P2RX7: variants seen among roughly 807,000 people sequenced by gnomAD.
P2RX7 encodes P2X purinoceptor 7.
P2RX7 carries 62 observed loss-of-function variants against 71.6 expected under a neutral mutation model. The ratio of observed to expected loss-of-function variants is 0.87; its 90% CI spans 0.71 to 1.07. The LOEUF (loss-of-function observed/expected upper bound fraction) is 1.07, where lower values mean the gene tolerates loss of function less well. Among genes scored for constraint, P2RX7 ranks in the 50% least tolerant of loss-of-function variants. P2RX7 has a pLI of 0.00. For missense variants in P2RX7, 686 were observed against 748.5 expected, an observed-to-expected ratio of 0.92 and a Z score of 0.97; for synonymous variants, 299 against 283.3, an observed-to-expected ratio of 1.06 and a Z score of -0.56.
At chr12:121,165,995 A>G (rs1880930782) in intron 6 of P2RX7, 63 bp from the exon 7 acceptor site, 1 of 1,545,744 alleles carries the variant, frequency 6.5e-7, no homozygotes, top group Admixed American at 1.7e-5. Context: ...CACTCCTGGG[A>G]AAGAGACAGA....
intron 5 of P2RX7, among the ~76,000 whole-genome samples, chr12:121,163,555 A>AAGAT (rs200523799): frequency 2.4e-5 from 3 of 123,470 alleles, no homozygotes; most frequent in Admixed American, 8.4e-5. Flanking sequence ...GATAGATAGA[A>AAGAT]AGATAGATAG....
chr12:121,182,061 T>TAAAAAA (rs57873643), intron 12 of P2RX7, among the ~76,000 whole-genome samples: 3 of 128,942 alleles, frequency 2.3e-5, no homozygotes, highest in Non-Finnish European at 1.7e-5. Context: ...AAGCTCCATC[T>TAAAAAA]AAAAAAAAAA....
At chr12:121,155,184 C>T in intron 2 of P2RX7, 1 of 1,484,052 alleles carries the variant, frequency 6.7e-7, no homozygotes, top group African/African-American at 1.4e-5. Context: ...AGCCTCATGT[C>T]CTGGTGCATT....
At position 121,136,734 on chromosome 12, in the gene P2RX7, C is replaced by A. The variant is rs530909394; in HGVS notation, c.125+3639C>A. 1.7e-4 allele frequency among the ~76,000 whole-genome samples: 25 copies of A among 149,582 alleles called. No individual in the cohort carries two copies. In the South Asian group the frequency reaches 4.7e-3, roughly 28 times the overall value. The stretch of plus-strand genomic sequence containing the variant: ...TGATCTCAGCTCACTGCAACCTATA[C>A]CTCCCAGGCCCAAGCAATCCTCCCA... On this transcript the variant is annotated intron_variant, in intron 1 of 12. Transcript: ENST00000328963.
Position 121,154,784 on chromosome 12 carries a change from GC to G in P2RX7, c.126del (p.Phe43LeufsTer4). 2.5e-6 allele frequency: 4 copies of G among 1,607,516 alleles called. No individual in the cohort carries two copies. Among genetic ancestry groups the G allele is most frequent in the Non-Finnish European group, 3.4e-6 (4 of 1,173,966 alleles). On this transcript the variant is annotated frameshift_variant and splice_region_variant, in exon 2 of 13. Coordinates refer to ENST00000328963, the MANE Select transcript of P2RX7 (RefSeq NM_002562.6). LOFTEE classifies it high-confidence loss of function. This position sits in a 1 kb window ranked among gnomAD's most constrained non-coding sequence, Gnocchi z 4.2. ...GATGCTTTCCCATGTCTGCCATTTA[GC>G]TTTGCTCTGGTGAGTGACAAGCTGT... ...FFHVIIFSYV[C>X]FALVSDKLYQ...
Position 121,154,596 on chromosome 12 carries a change from T to C in P2RX7, c.126-189T>C, listed in dbSNP as rs1366510886. 6.6e-6 allele frequency among the ~76,000 whole-genome samples: 1 copy of C among 152,198 alleles called. No individual in the cohort carries two copies. Among genetic ancestry groups the C allele is most frequent in the African/African-American group, 2.4e-5 (1 of 41,448 alleles). On this transcript the variant is annotated intron_variant, in intron 1 of 12. Coordinates refer to ENST00000328963, the MANE Select transcript of P2RX7 (RefSeq NM_002562.6). This position sits in a 1 kb window ranked among gnomAD's most constrained non-coding sequence, Gnocchi z 4.2. The stretch of plus-strand genomic sequence containing the variant: ...AAGGAGTCTGCAGACGTCTCTCATT[T>C]CATCCTCACAATCCATGAGGCAGGT...
intron 1 of P2RX7, among the ~76,000 whole-genome samples, chr12:121,137,108 G>GGA (rs1873875730): frequency 6.6e-6 from 1 of 152,122 alleles, no homozygotes; most frequent in Non-Finnish European, 1.5e-5. Flanking sequence ...ATGGGGACAT[G>GGA]GAGAGAGAGA....
intron 8 of P2RX7, among the ~76,000 whole-genome samples, chr12:121,171,932 G>T (rs1407560284): frequency 6.7e-6 from 1 of 149,900 alleles, no homozygotes; most frequent in Non-Finnish European, 1.5e-5. Context: ...CGTGATCTCG[G>T]CTCACTGCAA....
Position 121,186,654 on chromosome 12 carries a change from G to C in P2RX7, c.*1852G>C, listed in dbSNP as rs995884701. ...GGAGGCTGAGGCGGGTGGATCACCT[G>C]AGGTCAGGAGTTCGAGACCAGCCTG... On this transcript the variant is annotated 3_prime_UTR_variant, in exon 13 of 13. Coordinates refer to ENST00000328963, the MANE Select transcript of P2RX7 (RefSeq NM_002562.6). 6.6e-6 allele frequency: 1 copy of C among 152,248 alleles called. No homozygotes were observed. Among genetic ancestry groups the C allele is most frequent in the Admixed American group, 6.5e-5 (1 of 15,284 alleles). The allele number at this position is 152,248 out of a possible 1,614,324, so 9.4% of individuals were successfully genotyped here.
chr12:121,167,675 A>G, intron 8 of P2RX7, 51 bp downstream of exon 8: 1 of 1,469,732 alleles, frequency 6.8e-7, no homozygotes, highest in South Asian at 1.4e-5. Flanking sequence ...TCGCATTCCC[A>G]GGAACTGGTG....
intron 8 of P2RX7, among the ~76,000 whole-genome samples, chr12:121,168,260 G>GTTTTC (rs372601410): frequency 0.28 from 41,742 of 147,156 alleles, 6,137 homozygotes; most frequent in South Asian, 0.32. Flanking sequence ...TTCAGGCAGT[G>GTTTTC]TTTTCTTTTC....
In P2RX7 at chr12:121,174,127, G is replaced by A. The variant is rs537209714; in HGVS notation, c.882-1261G>A. ...CAGTGATACGATCTCGGCTCACTGT[G>A]ACCTCCATCTCCTGGGTTCAAGTGA... is the stretch of plus-strand genomic sequence containing the variant. On this transcript the variant is annotated intron_variant, in intron 8 of 12. Transcript: ENST00000328963. Among the ~76,000 whole-genome samples, 447 of 135,180 alleles carry A rather than the reference G, an allele frequency of 3.3e-3. 1 individual carries two copies. The highest frequency in any genetic ancestry group is 5.5e-3 in the Non-Finnish European group (361 of 65,650). 88.7% of individuals were successfully genotyped at this position (135,180 alleles called of 152,430 possible).
At chr12:121,145,599 T>G (rs1212416792) in intron 1 of P2RX7, among the ~76,000 whole-genome samples, 1 of 151,778 alleles carries the variant, frequency 6.6e-6, no homozygotes, top group African/African-American at 2.4e-5. Flanking sequence ...CTCTGCCTCC[T>G]GGGTTCAAGT....
intron 1 of P2RX7, among the ~76,000 whole-genome samples, chr12:121,138,235 G>A (rs917728776): frequency 6.6e-6 from 1 of 152,248 alleles, no homozygotes; most frequent in East Asian, 1.9e-4. Flanking sequence ...GTGTCATCAG[G>A]ACGGATCCGT....
chr12:121,144,829 A>G (rs1199225974), intron 1 of P2RX7, among the ~76,000 whole-genome samples: 2 of 152,150 alleles, frequency 1.3e-5, no homozygotes, highest in Admixed American at 6.6e-5. Flanking sequence ...TGAGTGGACA[A>G]GAAGGAGAGG....
At chr12:121,160,335 C>T (rs550655288) in intron 3 of P2RX7, among the ~76,000 whole-genome samples, 8 of 152,190 alleles carry the variant, frequency 5.3e-5, no homozygotes, top group Admixed American at 3.3e-4. Context: ...TTAGTAGAGA[C>T]GGGGTTTCAC....
Position 121,175,451 on chromosome 12 carries a change from C to A in P2RX7, c.945C>A (p.Ile315=), listed in dbSNP as rs186319522. The change falls in exon 9 of 13, where the codon ATC becomes ATA. Residue 315 remains isoleucine, a synonymous_variant. Transcript: ENST00000328963. ...GGACTCTGATAAAAGTCTTCGGGAT[C>A]CGTTTTGACATCCTGGTTTTTGGCA... ...EKRTLIKVFG[I]RFDILVFGTG... is the part of the protein sequence containing the mutation. 1.9e-4 allele frequency: 301 copies of A among 1,555,366 alleles called. No homozygotes were observed. The highest frequency in any genetic ancestry group is 2.5e-4 in the Non-Finnish European group (281 of 1,126,444).
chr12:121,160,867 A>G, intron 3 of P2RX7, 35 bp from the exon 4 acceptor site: 1 of 1,493,318 alleles, frequency 6.7e-7, no homozygotes, highest in South Asian at 1.1e-5. Context: ...AACACACGTC[A>G]CTTACTCCCC....
chr12:121,160,393 C>T (rs1389740024), intron 3 of P2RX7, among the ~76,000 whole-genome samples: 17 of 152,116 alleles, frequency 1.1e-4, no homozygotes, highest in African/African-American at 2.9e-4. Context: ...GTGATCTGCC[C>T]GCCTTGGCCT....
Sources: allele counts gnomAD v4.1 joint callset (sites outside exome capture counted in the v4.1 genomes callset), GRCh38; gene constraint gnomAD v4.1.1; non-coding constraint Gnocchi (gnomAD v3.1); transcripts MANE v1.5; gene names NCBI Gene and HGNC (gene_info 2026-07-23, HGNC 2026-07-21).